The following PLXNC1 variants were observed in gnomAD, a reference collection of about 807,000 sequenced individuals.
The protein encoded by PLXNC1 is plexin-C1.
PLXNC1 carries 75 observed loss-of-function variants against 178.2 expected under a neutral mutation model. That is an observed-to-expected ratio of 0.42 (90% CI 0.35 to 0.51). The LOEUF is 0.51. Ranked by LOEUF, PLXNC1 falls within the 20% of genes least tolerant of loss-of-function variation. The pLI is 0.02. For missense variants in PLXNC1, 1,503 were observed against 1,984.4 expected (o/e 0.76, Z 4.61); for synonymous variants, 790 against 779.9 (o/e 1.01, Z -0.22).
At chr12:94,207,705 C>T (rs187702144) in intron 4 of PLXNC1, among the ~76,000 whole-genome samples, 3 of 152,296 alleles carry the variant, frequency 2.0e-5, no homozygotes, top group Admixed American at 6.5e-5. Flanking sequence ...TGATTAAATA[C>T]CGAAATATGT....
At chr12:94,284,343 C>G (rs1006743100) in intron 23 of PLXNC1, among the ~76,000 whole-genome samples, 1 of 152,058 alleles carries the variant, frequency 6.6e-6, no homozygotes, top group African/African-American at 2.4e-5. Flanking sequence ...GTAAGTTCCT[C>G]CCAAAGTTAG....
chr12:94,149,911 G>T lies in PLXNC1; in HGVS notation c.940G>T (p.Ala314Ser), dbSNP rs765564792. 10 of 1,588,510 alleles carry T rather than the reference G, an allele frequency of 6.3e-6. No individual in the cohort carries two copies. In the South Asian group the frequency reaches 1.1e-4, roughly 18 times the overall value. ...DVWAGVFSAA[A>S]GEGQERRSPT... ...CTGGGCGGGAGTGTTCAGCGCGGCC[G>T]CTGGAGAGGGCCAGGAGCGGCGCTC... The change falls in exon 1 of 31, where the codon GCT becomes TCT. Residue 314 changes from alanine to serine, a missense_variant. Transcript: ENST00000258526.
chr12:94,263,044 G>C (rs577805355), intron 20 of PLXNC1, among the ~76,000 whole-genome samples: 3 of 152,134 alleles, frequency 2.0e-5, no homozygotes, highest in East Asian at 3.9e-4. Context: ...AATCTGCCCT[G>C]GTCTGTTAAA....
intron 5 of PLXNC1, among the ~76,000 whole-genome samples, chr12:94,216,160 C>A (rs375095484): frequency 6.6e-6 from 1 of 151,750 alleles, no homozygotes; most frequent in South Asian, 2.1e-4. Context: ...CCCAGCTACT[C>A]GGGAGGCTGA....
intron 5 of PLXNC1, among the ~76,000 whole-genome samples, chr12:94,219,756 A>G (rs1368807607): frequency 6.6e-6 from 1 of 152,134 alleles, no homozygotes; most frequent in Non-Finnish European, 1.5e-5. Context: ...TATGCTCTTT[A>G]CAGAAGAGCA....
chr12:94,187,934 G>A (rs1030847125), intron 4 of PLXNC1, among the ~76,000 whole-genome samples: 1 of 152,026 alleles, frequency 6.6e-6, no homozygotes, highest in Admixed American at 6.6e-5. Context: ...GGGCCTTGAG[G>A]GGCTGTGGTG....
chr12:94,228,718 C>T (rs1222818574), intron 9 of PLXNC1, among the ~76,000 whole-genome samples: 4 of 152,084 alleles, frequency 2.6e-5, no homozygotes, highest in East Asian at 1.9e-4. Flanking sequence ...TCTGTGTGGT[C>T]GCATGGGTCA....
chr12:94,220,147 C>T lies in PLXNC1; in HGVS notation c.1686C>T (p.Thr562=). ...PNRTCTCSIP[T]RATYKDVSVV... ...GGACCTGCACCTGTAGCATCCCAAC[C>T]AGAGCAACCTACAAAGGTATGTGGA... The change falls in exon 6 of 31, where the codon ACC becomes ACT. Residue 562 remains threonine (T), a synonymous_variant. Transcript: ENST00000258526. 1.2e-6 allele frequency: 2 copies of T among 1,613,902 alleles called. No homozygotes were observed. Among genetic ancestry groups the T allele is most frequent in the Non-Finnish European group, 1.7e-6 (2 of 1,179,900 alleles).
chr12:94,191,087 CTGAG>C (rs1962703715), intron 4 of PLXNC1, among the ~76,000 whole-genome samples: 1 of 152,208 alleles, frequency 6.6e-6, no homozygotes, highest in African/African-American at 2.4e-5. Context: ...ATGAGATAGG[CTGAG>C]TGATTGGTCG....
At chr12:94,209,196 A>T (rs1325414023) in intron 4 of PLXNC1, among the ~76,000 whole-genome samples, 1 of 152,214 alleles carries the variant, frequency 6.6e-6, no homozygotes, top group African/African-American at 2.4e-5. Context: ...GCAAACCTAA[A>T]ATTTATACAA....
At chr12:94,241,063 CA>C (rs1964374000) in intron 11 of PLXNC1, among the ~76,000 whole-genome samples, 5 of 152,078 alleles carry the variant, frequency 3.3e-5, no homozygotes, top group Admixed American at 3.3e-4. Context: ...TGGGAGCTAT[CA>C]AAATGAAAAG....
At chr12:94,257,930 A>C (rs1964899133) in intron 17 of PLXNC1, among the ~76,000 whole-genome samples, 1 of 151,134 alleles carries the variant, frequency 6.6e-6, no homozygotes, top group Non-Finnish European at 1.5e-5. Context: ...TAAATAAATA[A>C]AAAGAATTGC....
intron 23 of PLXNC1, among the ~76,000 whole-genome samples, chr12:94,285,909 T>G (rs893849813): frequency 1.8e-4 from 27 of 152,104 alleles, no homozygotes; most frequent in Non-Finnish European, 4.0e-4. Context: ...CAGCATCCCT[T>G]GGCCACTGTG....
intron 9 of PLXNC1, among the ~76,000 whole-genome samples, chr12:94,228,045 G>A (rs1270392990): frequency 6.6e-6 from 1 of 152,220 alleles, no homozygotes; most frequent in African/African-American, 2.4e-5. Context: ...TCTCTAATCT[G>A]TGGTTTTGAC....
At chr12:94,215,113 G>C (rs1963605953) in intron 5 of PLXNC1, among the ~76,000 whole-genome samples, 1 of 152,154 alleles carries the variant, frequency 6.6e-6, no homozygotes, top group South Asian at 2.1e-4. Context: ...GGCCAGGCTG[G>C]TCTTGAACTC....
intron 4 of PLXNC1, among the ~76,000 whole-genome samples, chr12:94,188,986 G>C (rs538533738): frequency 6.6e-6 from 1 of 151,844 alleles, no homozygotes; most frequent in African/African-American, 2.4e-5. Flanking sequence ...AGAGAGAGAA[G>C]GAGTGGACTG....
intron 8 of PLXNC1, 28 bp downstream of exon 8, chr12:94,226,735 T>C: frequency 2.0e-6 from 3 of 1,506,570 alleles, no homozygotes; most frequent in Non-Finnish European, 2.8e-6. Context: ...GTATTGTAAG[T>C]CTTAACCGCC....
intron 30 of PLXNC1, among the ~76,000 whole-genome samples, 163 bp from the exon 31 acceptor site, chr12:94,305,018 A>T (rs1304827910): frequency 6.6e-6 from 1 of 152,252 alleles, no homozygotes; most frequent in Non-Finnish European, 1.5e-5. Context: ...TCCTGTGATA[A>T]GGACTTAGCA....
intron 1 of PLXNC1, 33 bp downstream of exon 1, chr12:94,150,066 G>T (rs1485769980): frequency 2.7e-6 from 4 of 1,499,338 alleles, no homozygotes; most frequent in Non-Finnish European, 3.6e-6. Flanking sequence ...CGCGGAGAGC[G>T]CTGCTGCCGG....
Sources: allele counts gnomAD v4.1 joint callset (sites outside exome capture counted in the v4.1 genomes callset), GRCh38; gene constraint gnomAD v4.1.1; transcripts MANE v1.5; gene names NCBI Gene and HGNC (gene_info 2026-07-23, HGNC 2026-07-21).